CATSPERE: variants seen among roughly 807,000 people sequenced by gnomAD.
CATSPERE encodes cation channel sperm-associated auxiliary subunit epsilon.
In CATSPERE, 93 loss-of-function variants were observed where a neutral mutation model predicts 114.1. The observed-to-expected ratio is 0.81, with a 90% CI of 0.69 to 0.97. The LOEUF is 0.97. CATSPERE is among the 50% of genes least tolerant of loss of function. The pLI is 0.00. For missense variants in CATSPERE, 1,058 were observed against 1,131.6 expected, an observed-to-expected ratio of 0.93 and a Z score of 0.93; for synonymous variants, 341 against 384.1, an observed-to-expected ratio of 0.89 and a Z score of 1.31.
chr1:244,629,705 TCTCAG>T (rs1275437511), intron 20 of CATSPERE, among the ~76,000 whole-genome samples: 1 of 151,842 alleles, frequency 6.6e-6, no homozygotes, highest in Non-Finnish European at 1.5e-5. Flanking sequence ...AATGGCATGA[TCTCAG>T]CTCAATGCAG....
chr1:244,558,217 C>T (rs935430603), intron 9 of CATSPERE, among the ~76,000 whole-genome samples: 2 of 145,824 alleles, frequency 1.4e-5, no homozygotes, highest in African/African-American at 5.1e-5. Flanking sequence ...TCTCAGCTCA[C>T]TGCAACCTCC....
intron 17 of CATSPERE, among the ~76,000 whole-genome samples, chr1:244,595,793 C>T (rs539789435): frequency 1.1e-4 from 17 of 152,220 alleles, no homozygotes; most frequent in South Asian, 1.0e-3. Context: ...ATTAGCCGGG[C>T]GTGGTGGCGG....
chr1:244,506,577 G>A (rs1186978113), intron 7 of CATSPERE, among the ~76,000 whole-genome samples: 1 of 152,114 alleles, frequency 6.6e-6, no homozygotes, highest in Non-Finnish European at 1.5e-5. Context: ...GTCTTTGGAG[G>A]AGGGAGTTTT....
Position 244,461,398 on chromosome 1 carries a change from C to T in CATSPERE, c.-32C>T, listed in dbSNP as rs1385339967. ...TGCGCGAGGCCTGGACGGGAGTGGCCGAGGCGGTTGGGCGGAGGCGGAGCA... is the reference window on the plus strand; with the variant it reads ...TGCGCGAGGCCTGGACGGGAGTGGCTGAGGCGGTTGGGCGGAGGCGGAGCA... On this transcript the variant is annotated 5_prime_UTR_variant, in exon 1 of 22. Transcript: ENST00000366534. 1 of 1,347,620 alleles carries T rather than the reference C, an allele frequency of 7.4e-7. No homozygotes were observed. The highest frequency in any genetic ancestry group is 9.6e-7 in the Non-Finnish European group (1 of 1,042,480). 83.5% of individuals were successfully genotyped at this position (1,347,620 alleles called of 1,614,324 possible). A position where few individuals can be genotyped will look rare whatever the true frequency, so the allele number is the denominator to read the frequency against.
In CATSPERE at chr1:244,632,119, T is replaced by C. The variant is rs543883580; in HGVS notation, c.2649-3370T>C. The stretch of plus-strand genomic sequence containing the variant: ...AAAAATAAAGAAAATACTGTGGCCA[T>C]GTGTGGTGGCTCACGCCTGTAATCC... On this transcript the variant is annotated intron_variant, in intron 20 of 21. Transcript: ENST00000366534. Among the ~76,000 whole-genome samples, 15 of 151,900 alleles carry C rather than the reference T, an allele frequency of 9.9e-5. No individual in the cohort carries two copies. In the South Asian group the frequency reaches 2.9e-3, roughly 29 times the overall value.
Position 244,465,563 on chromosome 1 carries a change from G to A in CATSPERE, c.114+1607G>A, listed in dbSNP as rs531501997. Among the ~76,000 whole-genome samples, 7 of 152,114 alleles carry A rather than the reference G, an allele frequency of 4.6e-5. No homozygotes were observed. In the South Asian group the frequency reaches 8.3e-4, roughly 18 times the overall value. On this transcript the variant is annotated intron_variant, in intron 2 of 21. Transcript: ENST00000366534. The stretch of plus-strand genomic sequence containing the variant: ...ACCTTTCTCATGTCACCTTTGTTCC[G>A]TATGTAGATGAGTTGTTTGTGAACT...
chr1:244,570,490 T>G (rs1487992924), intron 10 of CATSPERE, among the ~76,000 whole-genome samples: 1 of 152,256 alleles, frequency 6.6e-6, no homozygotes, highest in Non-Finnish European at 1.5e-5. Context: ...GCTTATTAAG[T>G]TAAATGGTTA....
chr1:244,609,139 T>G (rs1670384915), intron 18 of CATSPERE, among the ~76,000 whole-genome samples: 1 of 151,880 alleles, frequency 6.6e-6, no homozygotes. Context: ...TGAGCCGAGA[T>G]TGTACCACTG....
At chr1:244,626,573 T>C (rs1176734096) in intron 20 of CATSPERE, among the ~76,000 whole-genome samples, 1 of 151,942 alleles carries the variant, frequency 6.6e-6, no homozygotes, top group Non-Finnish European at 1.5e-5. Flanking sequence ...TGTTGTGTAG[T>C]GTAGCCACCT....
chr1:244,576,068 A>G (rs1177480321), intron 11 of CATSPERE, among the ~76,000 whole-genome samples: 1 of 152,000 alleles, frequency 6.6e-6, no homozygotes, highest in East Asian at 1.9e-4. Context: ...CCTGACCACC[A>G]AGGAAATACT....
intron 8 of CATSPERE, among the ~76,000 whole-genome samples, chr1:244,552,064 CAAAAAAAA>C (rs33962480): frequency 2.1e-4 from 13 of 61,330 alleles, no homozygotes; most frequent in African/African-American, 6.8e-4. Context: ...ACTCTGTCTC[CAAAAAAAA>C]AAAAAAAAAA....
intron 7 of CATSPERE, chr1:244,515,371 C>T (rs556281604): frequency 1.0e-6 from 1 of 954,904 alleles, no homozygotes; most frequent in Admixed American, 6.2e-5. Flanking sequence ...TTTATAAATG[C>T]AGGTTTGAGA....
At position 244,623,203 on chromosome 1, in the gene CATSPERE, G is replaced by A. The variant is rs570165168; in HGVS notation, c.2648+5517G>A. 6.6e-5 allele frequency among the ~76,000 whole-genome samples: 10 copies of A among 151,894 alleles called. No homozygotes were observed. In the South Asian group the frequency reaches 1.0e-3, roughly 16 times the overall value. On this transcript the variant is annotated intron_variant, in intron 20 of 21. Transcript: ENST00000366534. ...AGCGATTCTCATGCCTCAGCCTCCC[G>A]AGTAGCTGAGACTACAGGCACCTGC...
intron 10 of CATSPERE, among the ~76,000 whole-genome samples, chr1:244,562,154 A>C (rs1254678874): frequency 1.1e-3 from 2 of 1,834 alleles, no homozygotes; most frequent in Admixed American, 9.1e-3. Context: ...ATCCTGTCTC[A>C]AAAAAAAAAA....
intron 9 of CATSPERE, among the ~76,000 whole-genome samples, chr1:244,553,600 A>AACACACACAC (rs1553356088): frequency 3.1e-5 from 1 of 32,578 alleles, no homozygotes; most frequent in Non-Finnish European, 6.1e-5. Flanking sequence ...AAAAAAAAAA[A>AACACACACAC]ATACACACAC....
intron 8 of CATSPERE, among the ~76,000 whole-genome samples, chr1:244,527,528 A>C (rs146083593): frequency 0.045 from 6,854 of 152,220 alleles, 198 homozygotes; most frequent in Non-Finnish European, 0.064. Flanking sequence ...CTGTACAAAC[A>C]ATTTGTGCAG....
chr1:244,531,002 G>A (rs2148417821), intron 8 of CATSPERE, among the ~76,000 whole-genome samples: 1 of 152,090 alleles, frequency 6.6e-6, no homozygotes, highest in East Asian at 1.9e-4. Flanking sequence ...GGCCGAGGCA[G>A]GCAGATCACC....
chr1:244,541,671 G>A (rs2148460146), intron 8 of CATSPERE, among the ~76,000 whole-genome samples: 1 of 145,092 alleles, frequency 6.9e-6, no homozygotes, highest in South Asian at 2.3e-4. Context: ...ATACCCAAAG[G>A]ACTATAAATC....
At chr1:244,537,694 A>G (rs1400391626) in intron 8 of CATSPERE, among the ~76,000 whole-genome samples, 4 of 152,136 alleles carry the variant, frequency 2.6e-5, no homozygotes, top group African/African-American at 9.7e-5. Flanking sequence ...TCTACTTTTA[A>G]TTACATTGTG....
Sources: gnomAD v4.1 joint callset for allele counts (sites outside exome capture counted in the v4.1 genomes callset) on GRCh38, gnomAD v4.1.1 for gene constraint, MANE v1.5 for transcripts, NCBI Gene and HGNC (gene_info 2026-07-23, HGNC 2026-07-21) for gene names.